ZKSCAN2: variants seen among roughly 807,000 people sequenced by gnomAD.
ZKSCAN2 encodes the protein zinc finger with KRAB and SCAN domains 2.
In ZKSCAN2, 38 loss-of-function variants were observed where a neutral mutation model predicts 90.5. The ratio of observed to expected loss-of-function variants is 0.42; its 90% confidence interval spans 0.32 to 0.55. ZKSCAN2 has a LOEUF of 0.55. Among genes scored for constraint, ZKSCAN2 ranks in the 20% least tolerant of loss-of-function variants. The pLI is 0.11. For missense variants in ZKSCAN2, 1,167 were observed against 1,202.6 expected, an observed-to-expected ratio of 0.97 and a Z score of 0.44; for synonymous variants, 429 against 421.6, an observed-to-expected ratio of 1.02 and a Z score of -0.22.
Position 25,256,731 on chromosome 16 carries a change from G to A in ZKSCAN2, c.397C>T (p.Gln133Ter). The A allele has an allele frequency of 6.2e-7, 1 of 1,606,800 alleles. No homozygotes were observed. The highest frequency in any genetic ancestry group is 8.5e-7 in the Non-Finnish European group (1 of 1,176,696). The change falls in exon 1 of 7, where the codon CAG (glutamine) becomes TAG (stop). Residue 133 changes from glutamine to a stop codon, truncating the protein, a stop_gained and splice_region_variant. Coordinates refer to ENST00000328086, the MANE Select transcript of ZKSCAN2 (RefSeq NM_001012981.5). LOFTEE classifies it high-confidence loss of function. ...LEKETGRLRQ[Q>*]VSSPVHREKH... is the part of the protein sequence containing the mutation. Reference sequence around the variant, plus strand: ...AAATTTGGAAAATCCTCTCTCACCTGCTGTCTTAGTCTTCCAGTCTCTTTC... The same window carrying A: ...AAATTTGGAAAATCCTCTCTCACCTACTGTCTTAGTCTTCCAGTCTCTTTC...
At position 25,244,057 on chromosome 16, in the gene ZKSCAN2, A is replaced by G; in HGVS notation, c.1709T>C (p.Leu570Pro). The change falls in exon 6 of 7, where the codon CTA becomes CCA. Residue 570 changes from leucine (L) to proline (P), a missense_variant. By Grantham distance (98) the Leu-to-Pro change is moderately conservative (BLOSUM62 -3). Transcript: ENST00000328086. The part of the protein sequence containing the change: ...SYRKVKNGHV[L>P]ESCAFYKEMD... Reference sequence around the variant, plus strand: ...CTCCTTGTAGAACGCGCAGGACTCTAGCACGTGGCCATTTTTCACCTTGCG... The same window carrying G: ...CTCCTTGTAGAACGCGCAGGACTCTGGCACGTGGCCATTTTTCACCTTGCG... The G allele has an allele frequency of 5.6e-6, 9 of 1,614,186 alleles. No individual in the cohort carries two copies. The highest frequency in any genetic ancestry group is 7.6e-6 in the Non-Finnish European group (9 of 1,180,042).
chr16:25,250,809 T>C (rs888120326), intron 4 of ZKSCAN2, among the ~76,000 whole-genome samples: 1 of 152,176 alleles, frequency 6.6e-6, no homozygotes, highest in Non-Finnish European at 1.5e-5. Flanking sequence ...CATGCTGGAG[T>C]GCAATGGTGT....
intron 6 of ZKSCAN2, among the ~76,000 whole-genome samples, chr16:25,241,040 C>T (rs1962844562): frequency 6.6e-6 from 1 of 152,176 alleles, no homozygotes; most frequent in Non-Finnish European, 1.5e-5. Context: ...CTAATTCATC[C>T]TATTTTCATA....
rs1309136792 is a variant in ZKSCAN2 at position 25,246,743 on chromosome 16, T to C, written c.1453A>G (p.Ile485Val). 1 of 1,614,124 alleles carries C rather than the reference T, an allele frequency of 6.2e-7. No individual in the cohort carries two copies. The highest frequency in any genetic ancestry group is 8.5e-7 in the Non-Finnish European group (1 of 1,180,044). ...IGIEFIRKSE[I>V]HGAPVLFQNL... Reference sequence around the variant, plus strand: ...TGAAACAAGACAGGGGCACCATGGATTTCAGACTTGCGGATAAATTCGATG... The same window carrying C: ...TGAAACAAGACAGGGGCACCATGGACTTCAGACTTGCGGATAAATTCGATG... Residue 485 changes from isoleucine (I) to valine (V), a missense_variant, in exon 5 of 7, where the codon ATC (isoleucine) becomes GTC (valine). By Grantham distance (29) the Ile-to-Val change is conservative (BLOSUM62 3). Coordinates refer to ENST00000328086, the MANE Select transcript of ZKSCAN2 (RefSeq NM_001012981.5).
intron 4 of ZKSCAN2, among the ~76,000 whole-genome samples, chr16:25,251,618 TCA>T (rs1963022128): frequency 6.6e-6 from 1 of 152,218 alleles, no homozygotes; most frequent in Non-Finnish European, 1.5e-5. Flanking sequence ...TCTCTAAGCC[TCA>T]GTTTCCTAAG....
At chr16:25,244,988 G>A (rs1193809186) in intron 5 of ZKSCAN2, among the ~76,000 whole-genome samples, 2 of 152,176 alleles carry the variant, frequency 1.3e-5, no homozygotes, top group African/African-American at 2.4e-5. Context: ...GTTTCTTCCA[G>A]GCCTATGACT....
intron 4 of ZKSCAN2, among the ~76,000 whole-genome samples, chr16:25,247,597 T>C (rs552408162): frequency 6.6e-6 from 1 of 152,342 alleles, no homozygotes; most frequent in South Asian, 2.1e-4. Flanking sequence ...ATGTACCATT[T>C]CTTTTCCTAG....
chr16:25,247,103 G>C lies in ZKSCAN2; in HGVS notation c.1093C>G (p.Gln365Glu). 6.2e-7 allele frequency: 1 copy of C among 1,614,216 alleles called. No homozygotes were observed. The highest frequency in any genetic ancestry group is 1.7e-5 in the Admixed American group (1 of 60,024). ...ACTTGGCTATTTCGGGGACAGGCCT[G>C]AAGTGTTTCATAAAAGCGAGACTCT... ...LKESRFYETL[Q>E]ACPRNSQVYG... The change falls in exon 5 of 7, where the codon CAG becomes GAG. Residue 365 changes from glutamine (Q) to glutamate (E), a missense_variant. By Grantham distance (29) the Gln-to-Glu change is conservative. Transcript: ENST00000328086.
In ZKSCAN2 at chr16:25,236,781, T is replaced by G. The variant is rs1962773658; in HGVS notation, c.*3035A>C. On this transcript the variant is annotated 3_prime_UTR_variant, in exon 7 of 7. Transcript: ENST00000328086. The stretch of plus-strand genomic sequence containing the variant: ...CACTGGTAAGAACTGGAGGTATTTG[T>G]GGCAGTAACAAAGCAAGCCTAGGTG... 6.6e-6 allele frequency: 1 copy of G among 152,246 alleles called. No individual in the cohort carries two copies. The highest frequency in any genetic ancestry group is 2.1e-4 in the South Asian group (1 of 4,832). The allele number at this position is 152,246 out of a possible 1,614,324, so 9.4% of individuals were successfully genotyped here. A position where few individuals can be genotyped will look rare whatever the true frequency, so the allele number is the denominator to read the frequency against.
intron 3 of ZKSCAN2, 36 bp from the exon 4 acceptor site, chr16:25,252,071 A>C: frequency 6.2e-7 from 1 of 1,609,976 alleles, no homozygotes; most frequent in Non-Finnish European, 8.5e-7. Context: ...TACCAAGATA[A>C]CTGCACAGGT....
rs113273135 is a variant in ZKSCAN2, at chr16:25,255,226, C to A, written c.566G>T (p.Arg189Leu). Residue 189 changes from arginine (R) to leucine (L), a missense_variant, in exon 2 of 7, where the codon CGT (arginine) becomes CTT (leucine). Physicochemically the swap from Arg to Leu is moderately radical, Grantham distance 102. Coordinates refer to ENST00000328086, the MANE Select transcript of ZKSCAN2 (RefSeq NM_001012981.5). The stretch of plus-strand genomic sequence containing the variant: ...CTTACCATTCTTGGGTAAGGGCCGA[C>A]GTTCTCGCTTTCGGTTCAGCTGTTC... ...HQEQLNRKRE[R>L]RPLPKNARPS... The A allele has an allele frequency of 2.7e-3, 4,273 of 1,607,774 alleles. 66 individuals carry two copies. In the African/African-American group the frequency reaches 0.037, roughly 14 times the overall value.
chr16:25,254,827 T>C (rs1963072967), intron 2 of ZKSCAN2, among the ~76,000 whole-genome samples: 1 of 150,126 alleles, frequency 6.7e-6, no homozygotes, highest in Admixed American at 6.7e-5. Flanking sequence ...AGGGTCTCGC[T>C]CTGTCACCCA....
chr16:25,243,881 C>G lies in ZKSCAN2; in HGVS notation c.1885G>C (p.Val629Leu), dbSNP rs772706151. The change falls in exon 6 of 7, where the codon GTA (valine) becomes CTA (leucine). Residue 629 changes from valine to leucine, a missense_variant. Transcript: ENST00000328086. ...WEPEETSQEA[V>L]IEDSCSERMS... Reference sequence around the variant, plus strand: ...CTCTCACTGCAAGAGTCTTCTATTACTGCCTCCTGTGAGGTCTCTTCAGGT... The same window carrying G: ...CTCTCACTGCAAGAGTCTTCTATTAGTGCCTCCTGTGAGGTCTCTTCAGGT... The G allele has an allele frequency of 6.2e-7, 1 of 1,614,164 alleles. No homozygotes were observed. The highest frequency in any genetic ancestry group is 2.2e-5 in the East Asian group (1 of 44,878).
chr16:25,257,258 C>A lies in ZKSCAN2; in HGVS notation c.-131G>T, dbSNP rs1963120250. On this transcript the variant is annotated 5_prime_UTR_variant, in exon 1 of 7. Coordinates refer to ENST00000328086, the MANE Select transcript of ZKSCAN2 (RefSeq NM_001012981.5). The stretch of plus-strand genomic sequence containing the variant: ...GTAAAAACGGCCAGGTCGGCAGGAA[C>A]AGGGTATTCCAGGCTGATTAATCAA... 4 of 1,487,278 alleles carry A rather than the reference C, an allele frequency of 2.7e-6. No individual in the cohort carries two copies. Among genetic ancestry groups the A allele is most frequent in the Admixed American group, 2.4e-5 (1 of 42,186 alleles). 92.1% of individuals were successfully genotyped at this position (1,487,278 alleles called of 1,614,324 possible).
Position 25,239,975 on chromosome 16 carries a change from ATAGGGCTTCTCTCCAGTGTGTATTC to A in ZKSCAN2, c.2720_2744del (p.Arg907MetfsTer24). 2 of 1,614,154 alleles carry A rather than the reference ATAGGGCTTCTCTCCAGTGTGTATTC, an allele frequency of 1.2e-6. No individual in the cohort carries two copies. Among genetic ancestry groups the A allele is most frequent in the Non-Finnish European group, 1.7e-6 (2 of 1,180,034 alleles). ...AACGTTTGCCACACTGGGCACATCC[ATAGGGCTTCTCTCCAGTGTGTATTC>A]TCCGATGTTCTCGAAATCTCGTACA... is the stretch of plus-strand genomic sequence containing the variant. On this transcript the variant is annotated frameshift_variant, in exon 7 of 7. Transcript: ENST00000328086. LOFTEE classifies it low-confidence loss of function (END_TRUNC).
chr16:25,249,995 T>C (rs1001361140), intron 4 of ZKSCAN2, among the ~76,000 whole-genome samples: 5 of 152,070 alleles, frequency 3.3e-5, no homozygotes, highest in Admixed American at 6.6e-5. Flanking sequence ...AAAAAAAATA[T>C]AATGGAGTAC....
chr16:25,237,271 G>C lies in ZKSCAN2; in HGVS notation c.*2545C>G, dbSNP rs1477017294. On this transcript the variant is annotated 3_prime_UTR_variant, in exon 7 of 7. Coordinates refer to ENST00000328086, the MANE Select transcript of ZKSCAN2 (RefSeq NM_001012981.5). Reference sequence around the variant, plus strand: ...AATAAAATGCAGGGAGACAGGTAGTGTTGGTCTAAAATGGGGGGGAGACCT... The same window carrying C: ...AATAAAATGCAGGGAGACAGGTAGTCTTGGTCTAAAATGGGGGGGAGACCT... The C allele has an allele frequency of 6.6e-6, 1 of 152,240 alleles. No individual in the cohort carries two copies. The highest frequency in any genetic ancestry group is 1.5e-5 in the Non-Finnish European group (1 of 68,042). The allele number at this position is 152,240 out of a possible 1,614,324, so 9.4% of individuals were successfully genotyped here.
Position 25,257,657 on chromosome 16 carries a change from G to A in ZKSCAN2, c.-530C>T, listed in dbSNP as rs142430949. On this transcript the variant is annotated 5_prime_UTR_variant, in exon 1 of 7. Transcript: ENST00000328086. ...GCCGCCGGATTCCGAGAGCGGCGCC[G>A]GGCTCTTTCGGGCCCACGACGGCCC... The A allele has an allele frequency of 0.027, 7,053 of 257,360 alleles. 130 individuals are homozygous for A. Among genetic ancestry groups the A allele is most frequent in the Middle Eastern group, 0.046 (24 of 518 alleles). The allele number at this position is 257,360 out of a possible 1,614,324, so 15.9% of individuals were successfully genotyped here. A position where few individuals can be genotyped will look rare whatever the true frequency, so the allele number is the denominator to read the frequency against.
intron 4 of ZKSCAN2, among the ~76,000 whole-genome samples, 176 bp from the exon 5 acceptor site, chr16:25,247,566 CG>C (rs796204424): frequency 8.5e-5 from 13 of 152,308 alleles, no homozygotes; most frequent in African/African-American, 3.1e-4. Flanking sequence ...CTAACTTACA[CG>C]ATCATTTTAC....
Sources: gnomAD v4.1 joint callset for allele counts (sites outside exome capture counted in the v4.1 genomes callset) on GRCh38, gnomAD v4.1.1 for gene constraint, MANE v1.5 for transcripts, NCBI Gene and HGNC (gene_info 2026-07-23, HGNC 2026-07-21) for gene names.